SLC24A4: variants seen among roughly 807,000 people sequenced by gnomAD.
SLC24A4 encodes solute carrier family 24 member 4.
SLC24A4 carries 53 observed loss-of-function variants against 79.0 expected under a neutral mutation model. The ratio of observed to expected loss-of-function variants is 0.67; its 90% CI spans 0.54 to 0.84. SLC24A4 has a LOEUF of 0.84. Among genes scored for constraint, SLC24A4 ranks in the 40% least tolerant of loss-of-function variants. SLC24A4 has a pLI of 0.00. For synonymous variants in SLC24A4, 323 were observed against 323.8 expected (o/e 1.00, Z 0.03); for missense variants, 731 against 822.0 (o/e 0.89, Z 1.35).
intron 2 of SLC24A4, among the ~76,000 whole-genome samples, chr14:92,391,896 C>T (rs1889484995): frequency 6.6e-6 from 1 of 152,168 alleles, no homozygotes; most frequent in Non-Finnish European, 1.5e-5. Context: ...GGTGGGCGTT[C>T]AGATGATGGC....
intron 2 of SLC24A4, among the ~76,000 whole-genome samples, chr14:92,332,518 A>G (rs1356621686): frequency 6.6e-6 from 1 of 152,208 alleles, no homozygotes; most frequent in African/African-American, 2.4e-5. Flanking sequence ...TTAAAAAATT[A>G]GCTGGGCATT....
intron 2 of SLC24A4, among the ~76,000 whole-genome samples, chr14:92,407,862 TG>T (rs1280745556): frequency 3.9e-5 from 1 of 25,576 alleles, no homozygotes; most frequent in Non-Finnish European, 1.1e-4. Context: ...TGATATTGTG[TG>T]TGTGTGTGTG....
At chr14:92,456,307 C>T in intron 11 of SLC24A4, 97 bp from the exon 12 acceptor site, 1 of 1,259,072 alleles carries the variant, frequency 7.9e-7, no homozygotes, top group African/African-American at 1.5e-5. Context: ...TTCTAGGCAC[C>T]TGTAAGAGCA....
intron 2 of SLC24A4, among the ~76,000 whole-genome samples, chr14:92,428,500 G>A (rs1338417339): frequency 6.6e-6 from 1 of 152,222 alleles, no homozygotes; most frequent in Non-Finnish European, 1.5e-5. Flanking sequence ...CAACATATGA[G>A]GAAGGAGGCC....
chr14:92,464,600 G>A (rs553012603), intron 12 of SLC24A4, among the ~76,000 whole-genome samples: 2 of 152,300 alleles, frequency 1.3e-5, no homozygotes, highest in East Asian at 3.9e-4. Context: ...AGCCCTGCTG[G>A]ACAGTAGCAG....
intron 2 of SLC24A4, among the ~76,000 whole-genome samples, chr14:92,382,155 T>C (rs1208862285): frequency 6.6e-6 from 1 of 152,168 alleles, no homozygotes; most frequent in East Asian, 1.9e-4. Context: ...TATATACATA[T>C]ATACACATAT....
chr14:92,423,150 T>TTTCA (rs59132643), intron 2 of SLC24A4, among the ~76,000 whole-genome samples: 109 of 150,708 alleles, frequency 7.2e-4, no homozygotes, highest in Admixed American at 1.6e-3. Flanking sequence ...TTTCATTTCA[T>TTTCA]TTTTTTTTGA....
rs377305245 is a variant in SLC24A4 at position 92,456,601 on chromosome 14, C to T, written c.1248C>T (p.Ser416=). 3.0e-5 allele frequency: 49 copies of T among 1,613,210 alleles called. No homozygotes were observed. The highest frequency in any genetic ancestry group is 2.4e-4 in the South Asian group (22 of 91,052). Residue 416 remains serine, a synonymous_variant, in exon 12 of 17, where the codon TCC becomes TCT. Coordinates refer to ENST00000532405, the MANE Select transcript of SLC24A4 (RefSeq NM_153646.4). The part of the protein sequence containing the change: ...PVEADFLSPF[S]VPEARGDKVK... ...AGGCTGACTTCCTGTCCCCCTTCTC[C>T]GTGCCGGGTGAGTTCTGGGGGTACT... is the stretch of plus-strand genomic sequence containing the variant.
At chr14:92,460,798 G>A (rs537948535) in intron 12 of SLC24A4, among the ~76,000 whole-genome samples, 3 of 152,320 alleles carry the variant, frequency 2.0e-5, no homozygotes, top group East Asian at 3.9e-4. Context: ...GGAGGCCACA[G>A]CCTGCTCCCT....
At chr14:92,481,506 A>G (rs948183469) in intron 12 of SLC24A4, among the ~76,000 whole-genome samples, 12 of 152,208 alleles carry the variant, frequency 7.9e-5, no homozygotes, top group African/African-American at 2.9e-4. Flanking sequence ...AGGTCAAATA[A>G]TAACAATTCT....
At position 92,499,878 on chromosome 14, in the gene SLC24A4, T is replaced by A. The variant is rs985678439; in HGVS notation, c.*6250T>A. On this transcript the variant is annotated 3_prime_UTR_variant, in exon 17 of 17. Transcript: ENST00000532405. ...TTTTTGAGATGGAGCCTCACTCTGT[T>A]GCCCAGGCTGGAGTGCAGTGGCGCG... 2.0e-5 allele frequency: 3 copies of A among 149,648 alleles called. No homozygotes were observed. The highest frequency in any genetic ancestry group is 1.3e-4 in the Admixed American group (2 of 14,946). 9.3% of individuals were successfully genotyped at this position (149,648 alleles called of 1,614,324 possible). A position where few individuals can be genotyped will look rare whatever the true frequency, so the allele number is the denominator to read the frequency against.
Position 92,499,253 on chromosome 14 carries a change from A to T in SLC24A4, c.*5625A>T, listed in dbSNP as rs1896051300. 6 of 152,194 alleles carry T rather than the reference A, an allele frequency of 3.9e-5. 1 individual carries two copies. The South Asian group carries it at 1.2e-3, about 32-fold the overall frequency. The allele number at this position is 152,194 out of a possible 1,614,324, so 9.4% of individuals were successfully genotyped here. On this transcript the variant is annotated 3_prime_UTR_variant, in exon 17 of 17. Coordinates refer to ENST00000532405, the MANE Select transcript of SLC24A4 (RefSeq NM_153646.4). Reference sequence around the variant, plus strand: ...AGTTATGAATCTTCCTCCTGCTTCTAAACAGGGCTGACAGTATACTCTCGT... The same window carrying T: ...AGTTATGAATCTTCCTCCTGCTTCTTAACAGGGCTGACAGTATACTCTCGT...
intron 7 of SLC24A4, among the ~76,000 whole-genome samples, chr14:92,444,932 T>TACACACAC (rs10548937): frequency 3.6e-4 from 52 of 142,942 alleles, no homozygotes; most frequent in African/African-American, 5.1e-4. Context: ...TACACACACA[T>TACACACAC]ACACACACAC....
In SLC24A4 at chr14:92,335,287, T is replaced by C. The variant is rs549699448; in HGVS notation, c.241+9309T>C. On this transcript the variant is annotated intron_variant, in intron 2 of 16. Coordinates refer to ENST00000532405, the MANE Select transcript of SLC24A4 (RefSeq NM_153646.4). The stretch of plus-strand genomic sequence containing the variant: ...ATATTGATACATTGTTATTAACTAA[T>C]GTCCACCTTTTACATTAGGGCTTCC... Among the ~76,000 whole-genome samples, 4 of 152,350 alleles carry C rather than the reference T, an allele frequency of 2.6e-5. No homozygotes were observed. In the East Asian group the frequency reaches 7.7e-4, roughly 29 times the overall value.
rs1889906517 is a variant in SLC24A4, at chr14:92,398,508, T to C, written c.242-35404T>C. ...GAACAGGGCAGCCTCCAACGTCTGA[T>C]GTTATTGACATCTCCTTCTCTTTCC... On this transcript the variant is annotated intron_variant, in intron 2 of 16. Coordinates refer to ENST00000532405, the MANE Select transcript of SLC24A4 (RefSeq NM_153646.4). This position sits in a 1 kb window ranked among gnomAD's most constrained non-coding sequence, Gnocchi z 4.1. 6.6e-6 allele frequency among the ~76,000 whole-genome samples: 1 copy of C among 152,220 alleles called. No homozygotes were observed. The highest frequency in any genetic ancestry group is 2.1e-4 in the South Asian group (1 of 4,818).
intron 2 of SLC24A4, among the ~76,000 whole-genome samples, chr14:92,352,730 C>T (rs1332007899): frequency 1.3e-5 from 2 of 152,124 alleles, no homozygotes; most frequent in African/African-American, 4.8e-5. Context: ...TGGCTGATGT[C>T]GGAGGTTTGG....
rs1896006411 is a variant in SLC24A4 at position 92,498,400 on chromosome 14, A to C, written c.*4772A>C. Reference sequence around the variant, plus strand: ...GGGATTCTGCTGTTCGCTTTGAGCCACAGCCTTTACCAGCCCGGCTTGTGT... The same window carrying C: ...GGGATTCTGCTGTTCGCTTTGAGCCCCAGCCTTTACCAGCCCGGCTTGTGT... On this transcript the variant is annotated 3_prime_UTR_variant, in exon 17 of 17. Transcript: ENST00000532405. 1 of 152,286 alleles carries C rather than the reference A, an allele frequency of 6.6e-6. No individual in the cohort carries two copies. The highest frequency in any genetic ancestry group is 1.5e-5 in the Non-Finnish European group (1 of 68,118). 9.4% of individuals were successfully genotyped at this position (152,286 alleles called of 1,614,324 possible). A position where few individuals can be genotyped will look rare whatever the true frequency, so the allele number is the denominator to read the frequency against.
intron 2 of SLC24A4, among the ~76,000 whole-genome samples, chr14:92,362,497 C>A (rs1008950984): frequency 3.9e-4 from 60 of 152,136 alleles, no homozygotes; most frequent in African/African-American, 4.8e-5. Context: ...TTGAACTGAA[C>A]CCTGAGATTC....
intron 2 of SLC24A4, among the ~76,000 whole-genome samples, chr14:92,399,103 C>A (rs1889944806): frequency 1.3e-5 from 2 of 152,148 alleles, no homozygotes; most frequent in Non-Finnish European, 2.9e-5. Context: ...CTGGGGAGAG[C>A]CCTGCTAATT....
Sources: gnomAD v4.1 joint callset for allele counts (sites outside exome capture counted in the v4.1 genomes callset) on GRCh38, gnomAD v4.1.1 for gene constraint, Gnocchi (gnomAD v3.1) non-coding constraint, MANE v1.5 for transcripts, NCBI Gene and HGNC (gene_info 2026-07-23, HGNC 2026-07-21) for gene names.